PGRMC2: variants seen among roughly 807,000 people sequenced by gnomAD.
The protein encoded by PGRMC2 is membrane-associated progesterone receptor component 2.
In PGRMC2, 9 loss-of-function variants were observed where a neutral mutation model predicts 19.3. The observed-to-expected ratio is 0.47, with a 90% CI of 0.28 to 0.81. The LOEUF is 0.81. Among genes scored for constraint, PGRMC2 ranks in the 40% least tolerant of loss-of-function variants. The probability of loss-of-function intolerance (pLI) is 0.11; values close to 1 mark genes in which losing one functional copy is unlikely to be tolerated. For missense variants in PGRMC2, 289 were observed against 297.3 expected, an observed-to-expected ratio of 0.97 and a Z score of 0.21; for synonymous variants, 157 against 124.6, an observed-to-expected ratio of 1.26 and a Z score of -1.73.
chr4:128,281,883 A>G (rs545904882), intron 1 of PGRMC2, among the ~76,000 whole-genome samples: 42 of 152,194 alleles, frequency 2.8e-4, no homozygotes, highest in Non-Finnish European at 4.7e-4. Context: ...TCACTTCAGA[A>G]CATTCTCATA....
intron 1 of PGRMC2, 67 bp from the exon 2 acceptor site, chr4:128,272,584 T>TAAAAAAAAAAAAAAAAAAAAAA (rs5861848): frequency 1.3e-5 from 4 of 318,664 alleles, no homozygotes; most frequent in Non-Finnish European, 1.4e-5. Context: ...AAGGAAAAAG[T>TAAAAAAAAAAAAAAAAAAAAAA]AAAAAAAAAA....
In PGRMC2 at chr4:128,287,642, C is replaced by T; in HGVS notation, c.149G>A (p.Gly50Glu). The T allele has an allele frequency of 2.0e-6, 3 of 1,537,782 alleles. No individual in the cohort carries two copies. Among genetic ancestry groups the T allele is most frequent in the Non-Finnish European group, 2.6e-6 (3 of 1,145,662 alleles). The stretch of plus-strand genomic sequence containing the variant: ...CACGTTCAGCAGCATTTCCCCGCCC[C>T]CCGTCAGAAGCGCCAACGCCGCCGC... Reference protein sequence around the residue: ...WAAAALALLTGGGEMLLNVAL... With the variant: ...WAAAALALLTEGGEMLLNVAL... Residue 50 changes from glycine to glutamate, a missense_variant, in exon 1 of 3, where the codon GGG (glycine) becomes GAG (glutamate). Gly to Glu is a moderately conservative substitution (Grantham distance 98). Coordinates refer to ENST00000296425, the MANE Select transcript of PGRMC2 (RefSeq NM_006320.6).
intron 1 of PGRMC2, among the ~76,000 whole-genome samples, chr4:128,281,589 C>A (rs1410048461): frequency 1.3e-5 from 2 of 152,008 alleles, no homozygotes; most frequent in African/African-American, 4.8e-5. Flanking sequence ...TAGAAATAAA[C>A]CTAAATATAC....
chr4:128,280,442 A>G (rs1760892026), intron 1 of PGRMC2, among the ~76,000 whole-genome samples: 2 of 151,506 alleles, frequency 1.3e-5, no homozygotes. Flanking sequence ...CCATACCTGG[A>G]CAAATCCTAG....
Position 128,287,725 on chromosome 4 carries a change from G to A in PGRMC2, c.66C>T (p.Asp22=), listed in dbSNP as rs779233158. 1.3e-5 allele frequency: 20 copies of A among 1,491,758 alleles called. No homozygotes were observed. The highest frequency in any genetic ancestry group is 2.8e-5 in the African/African-American group (2 of 72,542). The allele number at this position is 1,491,758 out of a possible 1,614,324, so 92.4% of individuals were successfully genotyped here. The part of the protein sequence containing the change: ...TLGSGSESSN[D]GGSESPGDAG... ...CGTCGCCTGGACTCTCGCTGCCGCC[G>A]TCGTTGCTGCTCTCGCTGCCACTCC... Residue 22 remains aspartate (D), a synonymous_variant, in exon 1 of 3, where the codon GAC becomes GAT. Coordinates refer to ENST00000296425, the MANE Select transcript of PGRMC2 (RefSeq NM_006320.6).
chr4:128,274,111 A>G (rs1760770578), intron 1 of PGRMC2, among the ~76,000 whole-genome samples: 1 of 152,248 alleles, frequency 6.6e-6, no homozygotes, highest in African/African-American at 2.4e-5. Flanking sequence ...TCTTATTAAC[A>G]TAGGCTACCA....
chr4:128,270,443 T>C lies in PGRMC2; in HGVS notation c.*873A>G, dbSNP rs1368357794. On this transcript the variant is annotated 3_prime_UTR_variant, in exon 3 of 3. Transcript: ENST00000296425. The stretch of plus-strand genomic sequence containing the variant: ...ATATATGGCAGTTAACACTGTAATA[T>C]TCCTTTTACATTCTATATACACAGA... The C allele has an allele frequency of 1.3e-5, 2 of 152,656 alleles. No homozygotes were observed. Among genetic ancestry groups the C allele is most frequent in the Admixed American group, 6.5e-5 (1 of 15,282 alleles). 9.5% of individuals were successfully genotyped at this position (152,656 alleles called of 1,614,324 possible). A position where few individuals can be genotyped will look rare whatever the true frequency, so the allele number is the denominator to read the frequency against.
At chr4:128,271,880 G>C (rs913770551) in intron 2 of PGRMC2, among the ~76,000 whole-genome samples, 1 of 152,166 alleles carries the variant, frequency 6.6e-6, no homozygotes, top group Non-Finnish European at 1.5e-5. Flanking sequence ...CGAGTGTTAA[G>C]ATCTGTAAAA....
chr4:128,272,939 T>G (rs1373111799), intron 1 of PGRMC2: 1 of 152,902 alleles, frequency 6.5e-6, no homozygotes, highest in Non-Finnish European at 1.5e-5. Context: ...GAACATCATG[T>G]ATTATGTAAA....
chr4:128,272,584 T>TAAAAAAAAAAAAAAAAAAAAAC (rs5861848), intron 1 of PGRMC2, 67 bp from the exon 2 acceptor site: 1 of 318,670 alleles, frequency 3.1e-6, no homozygotes, highest in African/African-American at 3.3e-5. Flanking sequence ...AAGGAAAAAG[T>TAAAAAAAAAAAAAAAAAAAAAC]AAAAAAAAAA....
At chr4:128,280,377 G>T (rs1366010703) in intron 1 of PGRMC2, among the ~76,000 whole-genome samples, 1 of 113,682 alleles carries the variant, frequency 8.8e-6, no homozygotes, top group African/African-American at 3.7e-5. Context: ...AAAAAAAAAG[G>T]ACAATATATC....
Position 128,287,542 on chromosome 4 carries a change from C to A in PGRMC2, c.249G>T (p.Gly83=), listed in dbSNP as rs1442738887. ...VRWGRRGLGA[G]AGAGEESPAT... Reference sequence around the variant, plus strand: ...CGGGGCTCTCCTCGCCCGCCCCGGCCCCGGCCCCCAGACCCCGCCGCCCCC... The same window carrying A: ...CGGGGCTCTCCTCGCCCGCCCCGGCACCGGCCCCCAGACCCCGCCGCCCCC... Residue 83 remains glycine, a synonymous_variant, in exon 1 of 3, where the codon GGG becomes GGT. Transcript: ENST00000296425. 5.8e-6 allele frequency: 9 copies of A among 1,551,686 alleles called. No individual in the cohort carries two copies. Among genetic ancestry groups the A allele is most frequent in the Non-Finnish European group, 7.8e-6 (9 of 1,148,964 alleles).
intron 1 of PGRMC2, 149 bp from the exon 2 acceptor site, chr4:128,272,666 T>C: frequency 2.3e-6 from 1 of 430,268 alleles, no homozygotes; most frequent in Non-Finnish European, 3.9e-6. Context: ...TCAAAACATG[T>C]ACAGATACTA....
chr4:128,287,226 G>T, intron 1 of PGRMC2, 147 bp downstream of exon 1: 2 of 820,746 alleles, frequency 2.4e-6, no homozygotes, highest in Non-Finnish European at 3.7e-6. Flanking sequence ...GGGCGGGATG[G>T]GCCGTCCCAG....
At chr4:128,278,044 G>A (rs952714930) in intron 1 of PGRMC2, among the ~76,000 whole-genome samples, 1 of 152,176 alleles carries the variant, frequency 6.6e-6, no homozygotes, top group Non-Finnish European at 1.5e-5. Context: ...ATTGTGAACT[G>A]AGCATATGGC....
chr4:128,287,726 T>C lies in PGRMC2; in HGVS notation c.65A>G (p.Asp22Gly), dbSNP rs746067498. 22 of 1,488,354 alleles carry C rather than the reference T, an allele frequency of 1.5e-5. No individual in the cohort carries two copies. The African/African-American group carries it at 2.9e-4, about 20-fold the overall frequency. The allele number at this position is 1,488,354 out of a possible 1,614,324, so 92.2% of individuals were successfully genotyped here. ...TLGSGSESSN[D>G]GGSESPGDAG... The stretch of plus-strand genomic sequence containing the variant: ...GTCGCCTGGACTCTCGCTGCCGCCG[T>C]CGTTGCTGCTCTCGCTGCCACTCCC... Residue 22 changes from aspartate to glycine, a missense_variant, in exon 1 of 3, where the codon GAC (aspartate) becomes GGC (glycine). Coordinates refer to ENST00000296425, the MANE Select transcript of PGRMC2 (RefSeq NM_006320.6).
chr4:128,275,036 T>C lies in PGRMC2; in HGVS notation c.419-2519A>G, dbSNP rs3755897. ...CTCCAGTGTACCTCAAGAAAACACA[T>C]AGAAGACTCACAAGCCCAAAGATGG... On this transcript the variant is annotated intron_variant, in intron 1 of 2. Coordinates refer to ENST00000296425, the MANE Select transcript of PGRMC2 (RefSeq NM_006320.6). Among the ~76,000 whole-genome samples, 1,476 of 152,252 alleles carry C rather than the reference T, an allele frequency of 9.7e-3. 33 individuals are homozygous for C. The highest frequency in any genetic ancestry group is 0.085 in the East Asian group (440 of 5,182).
intron 1 of PGRMC2, among the ~76,000 whole-genome samples, chr4:128,276,588 G>A (rs1002921043): frequency 3.9e-5 from 6 of 152,152 alleles, no homozygotes; most frequent in Admixed American, 3.9e-4. Flanking sequence ...CTCCCACAGT[G>A]CTGGGATTAC....
At position 128,270,698 on chromosome 4, in the gene PGRMC2, C is replaced by T. The variant is rs1760714179; in HGVS notation, c.*618G>A. On this transcript the variant is annotated 3_prime_UTR_variant, in exon 3 of 3. Transcript: ENST00000296425. Reference sequence around the variant, plus strand: ...GTTGGGGAACTAGCTCTGACTTAAACCCACCTGAAATTCCTTCTCCTAATT... The same window carrying T: ...GTTGGGGAACTAGCTCTGACTTAAATCCACCTGAAATTCCTTCTCCTAATT... 1 of 152,300 alleles carries T rather than the reference C, an allele frequency of 6.6e-6. No individual in the cohort carries two copies. Among genetic ancestry groups the T allele is most frequent in the Non-Finnish European group, 1.5e-5 (1 of 68,028 alleles). The allele number at this position is 152,300 out of a possible 1,614,324, so 9.4% of individuals were successfully genotyped here.
Sources: allele counts gnomAD v4.1 joint callset (sites outside exome capture counted in the v4.1 genomes callset), GRCh38; gene constraint gnomAD v4.1.1; transcripts MANE v1.5; gene names NCBI Gene and HGNC (gene_info 2026-07-23, HGNC 2026-07-21).